Variants in PANX1 observed in about 807,000 individuals in gnomAD.
PANX1 encodes pannexin-1.
PANX1 carries 30 observed loss-of-function variants against 38.7 expected under a neutral mutation model. The observed-to-expected ratio is 0.78, with a 90% CI of 0.58 to 1.05. PANX1 has a LOEUF of 1.05. Ranked by LOEUF, PANX1 falls within the 50% of genes least tolerant of loss-of-function variation. The pLI is 0.00. For missense variants in PANX1, 551 were observed against 517.2 expected, an observed-to-expected ratio of 1.07 and a Z score of -0.63; for synonymous variants, 230 against 212.2, an observed-to-expected ratio of 1.08 and a Z score of -0.73.
chr11:94,159,133 C>T (rs957348228), intron 2 of PANX1, among the ~76,000 whole-genome samples: 1 of 152,158 alleles, frequency 6.6e-6, no homozygotes, highest in Non-Finnish European at 1.5e-5. Context: ...TTTTGATGTG[C>T]TGCTGGATTC....
chr11:94,161,740 C>T (rs1306906313), intron 2 of PANX1, among the ~76,000 whole-genome samples: 1 of 152,164 alleles, frequency 6.6e-6, no homozygotes, highest in Non-Finnish European at 1.5e-5. Flanking sequence ...CATTCTCCGT[C>T]CAGATTTCTT....
chr11:94,175,979 G>GA, intron 2 of PANX1: 3 of 752,048 alleles, frequency 4.0e-6, no homozygotes, highest in South Asian at 1.2e-4. Context: ...CTGTGATAGT[G>GA]ACAGGAGGCC....
chr11:94,178,325 A>AT, intron 2 of PANX1, 44 bp from the exon 3 acceptor site: 2 of 1,444,780 alleles, frequency 1.4e-6, no homozygotes, highest in Non-Finnish European at 1.9e-6. Context: ...AGGTTACTGC[A>AT]TGGGGGGTTT....
rs1220506483 is a variant in PANX1, at chr11:94,180,999, A to G, written c.*130A>G. On this transcript the variant is annotated 3_prime_UTR_variant, in exon 5 of 5. Transcript: ENST00000227638. ...TTGGTGGAGATACTGAGCATGTCTT[A>G]TTGAGTCCCTAATGGAAATGGTGAT... The G allele has an allele frequency of 1.4e-5, 9 of 644,612 alleles. No individual in the cohort carries two copies. Among genetic ancestry groups the G allele is most frequent in the Non-Finnish European group, 2.5e-5 (9 of 356,532 alleles). The allele number at this position is 644,612 out of a possible 1,614,324, so 39.9% of individuals were successfully genotyped here.
At chr11:94,155,740 A>C (rs1354968043) in intron 2 of PANX1, among the ~76,000 whole-genome samples, 1 of 152,072 alleles carries the variant, frequency 6.6e-6, no homozygotes, top group African/African-American at 2.4e-5. Flanking sequence ...ATGTAGTTCA[A>C]ATTCATGTTG....
intron 2 of PANX1, among the ~76,000 whole-genome samples, chr11:94,160,961 T>C (rs1208291362): frequency 6.6e-6 from 1 of 152,180 alleles, no homozygotes; most frequent in African/African-American, 2.4e-5. Flanking sequence ...CTGTAAAGGA[T>C]TTTATTTCTC....
At chr11:94,135,816 AT>A (rs1383799208) in intron 1 of PANX1, among the ~76,000 whole-genome samples, 1 of 152,260 alleles carries the variant, frequency 6.6e-6, no homozygotes, top group Non-Finnish European at 1.5e-5. Flanking sequence ...CTGCATTAGC[AT>A]AACGTGTACA....
At chr11:94,166,174 A>G (rs1386626652) in intron 2 of PANX1, among the ~76,000 whole-genome samples, 4 of 152,212 alleles carry the variant, frequency 2.6e-5, no homozygotes, top group Non-Finnish European at 4.4e-5. Flanking sequence ...CTTCATTTTA[A>G]GGTATGAGTG....
In PANX1 at chr11:94,129,236, C is replaced by T. The variant is rs1163731026; in HGVS notation, c.-77C>T. On this transcript the variant is annotated 5_prime_UTR_variant, in exon 1 of 5. Transcript: ENST00000227638. ...CGAAAGCCGCGCGCCCGGCCGGTGA[C>T]TGGGTGAAGGCGCCGCGCAGCTTTC... 7.6e-7 allele frequency: 1 copy of T among 1,323,508 alleles called. No homozygotes were observed. The highest frequency in any genetic ancestry group is 2.6e-5 in the East Asian group (1 of 38,554). 82.0% of individuals were successfully genotyped at this position (1,323,508 alleles called of 1,614,324 possible). A position where few individuals can be genotyped will look rare whatever the true frequency, so the allele number is the denominator to read the frequency against.
Position 94,129,111 on chromosome 11 carries a change from G to A in PANX1, c.-202G>A. Reference sequence around the variant, plus strand: ...GTTCCCGCCCCGCCCCGCCCCGCCGGCGGCGGAGGCAGCGAGCGCGAGAGC... The same window carrying A: ...GTTCCCGCCCCGCCCCGCCCCGCCGACGGCGGAGGCAGCGAGCGCGAGAGC... On this transcript the variant is annotated 5_prime_UTR_variant, in exon 1 of 5. Transcript: ENST00000227638. The A allele has an allele frequency of 2.2e-6, 1 of 449,114 alleles. No homozygotes were observed. Among genetic ancestry groups the A allele is most frequent in the Non-Finnish European group, 3.9e-6 (1 of 256,258 alleles). The allele number at this position is 449,114 out of a possible 1,614,324, so 27.8% of individuals were successfully genotyped here.
At position 94,165,197 on chromosome 11, in the gene PANX1, TACTA is replaced by T. The variant is rs1215563939; in HGVS notation, c.321+11568_321+11571del. Among the ~76,000 whole-genome samples the T allele has an allele frequency of 2.0e-5, 3 of 152,256 alleles. No homozygotes were observed. In the East Asian group the frequency reaches 5.8e-4, roughly 29 times the overall value. On this transcript the variant is annotated intron_variant, in intron 2 of 4. Coordinates refer to ENST00000227638, the MANE Select transcript of PANX1 (RefSeq NM_015368.4). ...ATGTGATTATTGATAGGTAAGGACT[TACTA>T]CTGCAATTTTGTTATTTGTTTTCTG...
intron 1 of PANX1, among the ~76,000 whole-genome samples, chr11:94,135,862 C>G (rs535689159): frequency 6.6e-6 from 1 of 152,268 alleles, no homozygotes; most frequent in East Asian, 1.9e-4. Flanking sequence ...TCGAGTCATA[C>G]CATAGTGGCT....
At chr11:94,141,915 G>C (rs1243775689) in intron 1 of PANX1, among the ~76,000 whole-genome samples, 2 of 152,198 alleles carry the variant, frequency 1.3e-5, no homozygotes, top group African/African-American at 4.8e-5. Flanking sequence ...TACGTAGGAA[G>C]CACTCAGCGC....
intron 2 of PANX1, among the ~76,000 whole-genome samples, chr11:94,177,834 A>G (rs538281315): frequency 8.5e-5 from 13 of 152,060 alleles, no homozygotes; most frequent in East Asian, 3.9e-4. Flanking sequence ...TGTGAATTCA[A>G]CTGCTTATTT....
chr11:94,177,770 A>T (rs1475590834), intron 2 of PANX1, among the ~76,000 whole-genome samples: 1 of 151,936 alleles, frequency 6.6e-6, no homozygotes. Context: ...ATCCAACTAT[A>T]CGATGAGGGT....
At chr11:94,168,379 G>A (rs1054415058) in intron 2 of PANX1, among the ~76,000 whole-genome samples, 1 of 151,746 alleles carries the variant, frequency 6.6e-6, no homozygotes, top group African/African-American at 2.4e-5. Context: ...GCAGGTACCT[G>A]AGCAGGGTGA....
At chr11:94,132,497 G>A (rs944530025) in intron 1 of PANX1, among the ~76,000 whole-genome samples, 2 of 152,170 alleles carry the variant, frequency 1.3e-5, no homozygotes, top group African/African-American at 4.8e-5. Context: ...TGGAGCTTTA[G>A]TGGCACCGTC....
intron 1 of PANX1, among the ~76,000 whole-genome samples, chr11:94,148,439 C>T (rs1946850463): frequency 6.6e-6 from 1 of 152,222 alleles, no homozygotes; most frequent in Non-Finnish European, 1.5e-5. Flanking sequence ...GTACTTTAAA[C>T]AAATTCAGAC....
rs190118277 is a variant in PANX1, at chr11:94,165,894, C to G, written c.321+12264C>G. On this transcript the variant is annotated intron_variant, in intron 2 of 4. Coordinates refer to ENST00000227638, the MANE Select transcript of PANX1 (RefSeq NM_015368.4). ...CACCATTGCACTCCAGCCTGGGCAA[C>G]AAGAGTGAAACTCTGTTTCAAGTAA... 3.3e-3 allele frequency among the ~76,000 whole-genome samples: 496 copies of G among 152,154 alleles called. 4 individuals carry two copies. Among genetic ancestry groups the G allele is most frequent in the African/African-American group, 0.011 (459 of 41,504 alleles).
Sources: allele counts gnomAD v4.1 joint callset (sites outside exome capture counted in the v4.1 genomes callset), GRCh38; gene constraint gnomAD v4.1.1; transcripts MANE v1.5; gene names NCBI Gene and HGNC (gene_info 2026-07-23, HGNC 2026-07-21).